Variants in GPR180 observed in about 807,000 individuals in gnomAD.
GPR180 encodes the protein G protein-coupled receptor 180.
GPR180 carries 53 observed loss-of-function variants against 52.6 expected under a neutral mutation model. The observed-to-expected ratio is 1.01, with a 90% CI of 0.81 to 1.27. The LOEUF is 1.27. GPR180 is among the 50% of genes most tolerant of loss of function. GPR180 has a pLI of 0.00. For missense variants in GPR180, 533 were observed against 527.0 expected (o/e 1.01, Z -0.11); for synonymous variants, 200 against 193.1 (o/e 1.04, Z -0.30).
intron 3 of GPR180, among the ~76,000 whole-genome samples, chr13:94,616,390 A>G (rs1030152743): frequency 6.6e-6 from 1 of 152,216 alleles, no homozygotes; most frequent in African/African-American, 2.4e-5. Flanking sequence ...TGAGACAAGG[A>G]TCATGGGGAG....
At chr13:94,602,100 A>C in intron 1 of GPR180, 28 bp downstream of exon 1, 1 of 1,310,108 alleles carries the variant, frequency 7.6e-7, no homozygotes, top group South Asian at 2.2e-5. Flanking sequence ...GAGGGGGATG[A>C]AGGCGCGCTG....
chr13:94,619,043 G>A (rs1376486130), intron 3 of GPR180, 107 bp from the exon 4 acceptor site: 1 of 926,664 alleles, frequency 1.1e-6, no homozygotes, highest in Non-Finnish European at 1.6e-6. Context: ...TATGACTCCA[G>A]TTAAAAAACA....
Position 94,630,954 on chromosome 13 carries a change from T to C in GPR180, c.*3783T>C, listed in dbSNP as rs779037410. On this transcript the variant is annotated 3_prime_UTR_variant, in exon 9 of 9. Transcript: ENST00000376958. ...AAGTAAAGTAGCAGCCAGATCTGCA[T>C]TCTTTTTGTAAGAGGAAGGGCCAGA... 2.0e-5 allele frequency: 3 copies of C among 152,336 alleles called. No individual in the cohort carries two copies. Among genetic ancestry groups the C allele is most frequent in the Non-Finnish European group, 4.4e-5 (3 of 68,104 alleles). The allele number at this position is 152,336 out of a possible 1,614,324, so 9.4% of individuals were successfully genotyped here.
At chr13:94,610,681 G>T (rs1186120816) in intron 2 of GPR180, among the ~76,000 whole-genome samples, 2 of 152,144 alleles carry the variant, frequency 1.3e-5, no homozygotes, top group Non-Finnish European at 1.5e-5. Context: ...TTCAGAAACC[G>T]CAATTACTTT....
chr13:94,605,554 G>C lies in GPR180; in HGVS notation c.304+5G>C, dbSNP rs1236642405. The C allele has an allele frequency of 1.2e-6, 2 of 1,604,584 alleles. No individual in the cohort carries two copies. The highest frequency in any genetic ancestry group is 3.4e-5 in the Admixed American group (2 of 58,214). ...TATCCAAAGCTCAGTTGACAAGTGAGTATATCCTTTTTTCTTTGATCATTA... is the reference window on the plus strand; with the variant it reads ...TATCCAAAGCTCAGTTGACAAGTGACTATATCCTTTTTTCTTTGATCATTA... On this transcript the variant is annotated splice_donor_5th_base_variant and intron_variant, in intron 2 of 8. Coordinates refer to ENST00000376958, the MANE Select transcript of GPR180 (RefSeq NM_180989.6).
chr13:94,609,316 G>A (rs559438708), intron 2 of GPR180, among the ~76,000 whole-genome samples: 2 of 152,290 alleles, frequency 1.3e-5, no homozygotes, highest in Admixed American at 1.3e-4. Flanking sequence ...AATTACACCA[G>A]CATAGAATAT....
intron 3 of GPR180, among the ~76,000 whole-genome samples, chr13:94,618,443 T>G (rs546638358): frequency 6.6e-5 from 8 of 120,410 alleles, no homozygotes; most frequent in South Asian, 2.8e-4. Flanking sequence ...TTTTTTTTTT[T>G]GGCAAGAGCT....
chr13:94,619,265 G>T lies in GPR180; in HGVS notation c.621G>T (p.Lys207Asn), dbSNP rs1231767549. The T allele has an allele frequency of 2.5e-6, 4 of 1,614,118 alleles. No individual in the cohort carries two copies. The highest frequency in any genetic ancestry group is 3.4e-6 in the Non-Finnish European group (4 of 1,180,008). ...GCGGACCCATGCACATGATTTTAAA[G>T]GTTCTGACAACTGCATTGCTGTTAC... ...KKGGPMHMIL[K>N]VLTTALLLQA... The change falls in exon 4 of 9, where the codon AAG becomes AAT. Residue 207 changes from lysine to asparagine, a missense_variant. By Grantham distance (94) the Lys-to-Asn change is moderately conservative (BLOSUM62 0). Transcript: ENST00000376958.
intron 7 of GPR180, among the ~76,000 whole-genome samples, chr13:94,625,112 C>G (rs1023914449): frequency 2.6e-5 from 4 of 152,234 alleles, no homozygotes; most frequent in Admixed American, 2.0e-4. Flanking sequence ...CCGCGCCTAG[C>G]CTCTTGTTTT....
At chr13:94,608,300 C>G (rs975788526) in intron 2 of GPR180, among the ~76,000 whole-genome samples, 5 of 152,172 alleles carry the variant, frequency 3.3e-5, no homozygotes, top group African/African-American at 1.2e-4. Context: ...TGCTGCCATT[C>G]TCGTTATAAC....
At chr13:94,625,752 GATT>G (rs1414345292) in intron 7 of GPR180, among the ~76,000 whole-genome samples, 2 of 152,014 alleles carry the variant, frequency 1.3e-5, no homozygotes, top group Non-Finnish European at 2.9e-5. Flanking sequence ...ATAAACATAA[GATT>G]ATAAATACTC....
rs899620000 is a variant in GPR180, at chr13:94,633,829, T to G, written c.*6658T>G. On this transcript the variant is annotated 3_prime_UTR_variant, in exon 9 of 9. Coordinates refer to ENST00000376958, the MANE Select transcript of GPR180 (RefSeq NM_180989.6). ...TCATCTAGTGGTTTTATGGTTTTAT[T>G]TTGTATGTTTTTTTCATCCACCTGG... 6 of 152,014 alleles carry G rather than the reference T, an allele frequency of 3.9e-5. No homozygotes were observed. Among genetic ancestry groups the G allele is most frequent in the African/African-American group, 1.5e-4 (6 of 41,314 alleles). 9.4% of individuals were successfully genotyped at this position (152,014 alleles called of 1,614,324 possible).
At position 94,602,005 on chromosome 13, in the gene GPR180, G is replaced by C. The variant is rs1259423769; in HGVS notation, c.78G>C (p.Arg26=). 6.8e-7 allele frequency: 1 copy of C among 1,476,064 alleles called. No homozygotes were observed. Among genetic ancestry groups the C allele is most frequent in the Non-Finnish European group, 9.0e-7 (1 of 1,115,866 alleles). 91.4% of individuals were successfully genotyped at this position (1,476,064 alleles called of 1,614,324 possible). ...AGGGCAGCCAGGGTAAGACCCTGCG[G>C]GGCAGCTTCAGCAGCACCGCGGCCC... ...WPQGSQGKTL[R]GSFSSTAAQD... The change falls in exon 1 of 9, where the codon CGG becomes CGC. Residue 26 remains arginine (R), a synonymous_variant. Transcript: ENST00000376958.
At chr13:94,613,137 G>A (rs1889733180) in intron 3 of GPR180, among the ~76,000 whole-genome samples, 1 of 152,192 alleles carries the variant, frequency 6.6e-6, no homozygotes, top group African/African-American at 2.4e-5. Context: ...TAGGCCATCT[G>A]TCAAAGAAAA....
intron 5 of GPR180, among the ~76,000 whole-genome samples, chr13:94,620,088 C>T (rs1424842758): frequency 6.6e-6 from 1 of 152,198 alleles, no homozygotes; most frequent in African/African-American, 2.4e-5. Context: ...AAGGGGTCTG[C>T]ATATCCTTAT....
In GPR180 at chr13:94,631,284, C is replaced by G. The variant is rs1237856062; in HGVS notation, c.*4113C>G. The G allele has an allele frequency of 6.6e-6, 1 of 152,192 alleles. No individual in the cohort carries two copies. The highest frequency in any genetic ancestry group is 1.5e-5 in the Non-Finnish European group (1 of 68,070). 9.4% of individuals were successfully genotyped at this position (152,192 alleles called of 1,614,324 possible). On this transcript the variant is annotated 3_prime_UTR_variant, in exon 9 of 9. Transcript: ENST00000376958. ...CAGGTTCTACTCATCCTAGCAAGTT[C>G]CTTGCTTCCCCCATTTCCCATGTCT... is the stretch of plus-strand genomic sequence containing the variant.
chr13:94,626,968 CTA>C, intron 8 of GPR180, 43 bp from the exon 9 acceptor site: 1 of 1,353,302 alleles, frequency 7.4e-7, no homozygotes, highest in Non-Finnish European at 1.0e-6. Flanking sequence ...TATTATTTCT[CTA>C]TTTCTGCATG....
At chr13:94,604,009 G>A (rs1005313320) in intron 1 of GPR180, among the ~76,000 whole-genome samples, 3 of 152,168 alleles carry the variant, frequency 2.0e-5, no homozygotes, top group East Asian at 1.9e-4. Flanking sequence ...GGAGGCAGAG[G>A]TGGGCAGATC....
intron 1 of GPR180, 81 bp downstream of exon 1, chr13:94,602,153 C>T: frequency 8.2e-7 from 1 of 1,214,762 alleles, no homozygotes; most frequent in Non-Finnish European, 1.0e-6. Flanking sequence ...CCTCCCGGCC[C>T]CTCCCTGCCA....
Sources: allele counts gnomAD v4.1 joint callset (sites outside exome capture counted in the v4.1 genomes callset), GRCh38; gene constraint gnomAD v4.1.1; transcripts MANE v1.5; gene names NCBI Gene and HGNC (gene_info 2026-07-23, HGNC 2026-07-21).